Variants in PDCD2L observed in about 807,000 individuals in gnomAD.
PDCD2L encodes uS5 assembly chaperone PDCD2L.
Under a neutral mutation model 40.4 loss-of-function variants are expected in PDCD2L, and 44 were observed. That is an observed-to-expected ratio of 1.09 (90% confidence interval 0.86 to 1.40). PDCD2L has a LOEUF of 1.40. Ranked by LOEUF, PDCD2L falls within the 40% of genes most tolerant of loss-of-function variation. PDCD2L has a pLI of 0.00. For missense variants in PDCD2L, 470 were observed against 453.7 expected, an observed-to-expected ratio of 1.04 and a Z score of -0.33; for synonymous variants, 194 against 174.6, an observed-to-expected ratio of 1.11 and a Z score of -0.88.
Position 34,409,271 on chromosome 19 carries a change from T to G in PDCD2L, c.447T>G (p.Asp149Glu), listed in dbSNP as rs752833014. 10 of 1,614,046 alleles carry G rather than the reference T, an allele frequency of 6.2e-6. No homozygotes were observed. In the East Asian group the frequency reaches 2.0e-4, roughly 32 times the overall value. ...AGTTTACCTTGGATTTTGGGAATGA[T>G]GCCAGCAGTGCCAAAGACGTAGACT... ...SPQFTLDFGN[D>E]ASSAKDVDWT... Residue 149 changes from aspartate to glutamate, a missense_variant, in exon 4 of 7, where the codon GAT becomes GAG. Physicochemically the swap from Asp to Glu is conservative, Grantham distance 45. Coordinates refer to ENST00000246535, the MANE Select transcript of PDCD2L (RefSeq NM_032346.2).
chr19:34,420,320 T>G (rs1346562912), intron 5 of PDCD2L, among the ~76,000 whole-genome samples: 8 of 147,904 alleles, frequency 5.4e-5, no homozygotes, highest in East Asian at 2.0e-4. Context: ...TTTTTTTGGT[T>G]TTTTTTTTTT....
intron 5 of PDCD2L, among the ~76,000 whole-genome samples, chr19:34,416,256 G>T (rs1307411543): frequency 3.3e-5 from 5 of 152,216 alleles, no homozygotes; most frequent in Admixed American, 2.6e-4. Context: ...TGTCTGGAAG[G>T]AAGCACACAG....
Position 34,411,986 on chromosome 19 carries a change from AAT to A in PDCD2L, c.687-1749_687-1748del, listed in dbSNP as rs1404566238. Among the ~76,000 whole-genome samples, 1,019 of 146,622 alleles carry A rather than the reference AAT, an allele frequency of 6.9e-3. 16 individuals carry two copies. Among genetic ancestry groups the A allele is most frequent in the African/African-American group, 0.024 (952 of 40,468 alleles). Reference sequence around the variant, plus strand: ...TACATATATATATATATATATATAAAATAAATAATAAAATATATATATTAAAA... The same window carrying A: ...TACATATATATATATATATATATAAAAAATAATAAAATATATATATTAAAA... On this transcript the variant is annotated intron_variant, in intron 4 of 6. Transcript: ENST00000246535.
At chr19:34,425,536 T>C (rs1163932159) in intron 6 of PDCD2L, among the ~76,000 whole-genome samples, 4 of 151,848 alleles carry the variant, frequency 2.6e-5, no homozygotes, top group African/African-American at 9.7e-5. Flanking sequence ...ATATTTTGTT[T>C]GTTTGTTTGT....
chr19:34,409,565 A>G, intron 4 of PDCD2L, 55 bp downstream of exon 4: 3 of 1,491,512 alleles, frequency 2.0e-6, no homozygotes, highest in Non-Finnish European at 2.8e-6. Context: ...AGCAGCCACA[A>G]GAGTTACCCT....
chr19:34,409,741 GTATTTA>G (rs1308606504), intron 4 of PDCD2L, among the ~76,000 whole-genome samples: 1 of 152,176 alleles, frequency 6.6e-6, no homozygotes, highest in East Asian at 1.9e-4. Context: ...GAGATGGCAA[GTATTTA>G]TAGAAGACGC....
intron 6 of PDCD2L, among the ~76,000 whole-genome samples, chr19:34,424,629 C>T (rs535389463): frequency 6.6e-6 from 1 of 152,160 alleles, no homozygotes; most frequent in Admixed American, 6.6e-5. Flanking sequence ...TGGGAGAGGC[C>T]GCATGCGCAG....
At chr19:34,406,557 A>AT (rs563225945) in intron 3 of PDCD2L, among the ~76,000 whole-genome samples, 41 of 151,110 alleles carry the variant, frequency 2.7e-4, no homozygotes, top group Non-Finnish European at 3.4e-4. Context: ...TAATTTTTTC[A>AT]TTTTTTTAAA....
intron 4 of PDCD2L, 103 bp from the exon 5 acceptor site, chr19:34,413,634 C>G (rs9653103): frequency 0.92 from 611,856 of 668,252 alleles, 281,112 homozygotes; most frequent in East Asian, 1. Context: ...ACTGCGCCTG[C>G]CCTGATAAAA....
chr19:34,406,028 G>T (rs2145456082), intron 3 of PDCD2L, among the ~76,000 whole-genome samples: 1 of 152,324 alleles, frequency 6.6e-6, no homozygotes, highest in South Asian at 2.1e-4. Flanking sequence ...TGTAGTGCCA[G>T]CTACTCAGGA....
intron 5 of PDCD2L, among the ~76,000 whole-genome samples, chr19:34,416,745 C>CAGGT (rs1040783591): frequency 1.3e-5 from 2 of 152,102 alleles, no homozygotes; most frequent in African/African-American, 4.8e-5. Flanking sequence ...GCATGCCACC[C>CAGGT]AGGTAATCAT....
At position 34,405,970 on chromosome 19, in the gene PDCD2L, GTC is replaced by G. The variant is rs531523665; in HGVS notation, c.336+984_336+985del. ...AGTCTGGGCAACATAGCAAAACATC[GTC>G]TCTATAAAAAGTAAACAAATTAGCC... On this transcript the variant is annotated intron_variant, in intron 3 of 6. Transcript: ENST00000246535. Among the ~76,000 whole-genome samples, 10 of 152,020 alleles carry G rather than the reference GTC, an allele frequency of 6.6e-5. No individual in the cohort carries two copies. The South Asian group carries it at 1.9e-3, about 29-fold the overall frequency.
At chr19:34,413,709 C>A in intron 4 of PDCD2L, 28 bp from the exon 5 acceptor site, 1 of 1,305,686 alleles carries the variant, frequency 7.7e-7, no homozygotes, top group Non-Finnish European at 1.1e-6. Context: ...TATAGACATT[C>A]AAAAGTGTTT....
At position 34,410,513 on chromosome 19, in the gene PDCD2L, A is replaced by G. The variant is rs191975183; in HGVS notation, c.686+1003A>G. The stretch of plus-strand genomic sequence containing the variant: ...GTGATCCACCCACCTCAGCCTCCCA[A>G]AGTGCTGGGATTACAGGCGTGAGCC... On this transcript the variant is annotated intron_variant, in intron 4 of 6. Coordinates refer to ENST00000246535, the MANE Select transcript of PDCD2L (RefSeq NM_032346.2). 1.4e-4 allele frequency among the ~76,000 whole-genome samples: 21 copies of G among 152,220 alleles called. No individual in the cohort carries two copies. In the East Asian group the frequency reaches 2.3e-3, roughly 17 times the overall value.
intron 4 of PDCD2L, among the ~76,000 whole-genome samples, chr19:34,412,084 A>T (rs1406453990): frequency 6.6e-6 from 1 of 151,320 alleles, no homozygotes; most frequent in African/African-American, 2.4e-5. Context: ...CAGTGGCTCA[A>T]TCTCAGCTCA....
intron 6 of PDCD2L, among the ~76,000 whole-genome samples, chr19:34,425,671 G>A (rs2075173774): frequency 3.9e-5 from 6 of 152,032 alleles, no homozygotes. Context: ...CTAGCCAAAA[G>A]CTATGTATAT....
chr19:34,413,884 G>T, intron 5 of PDCD2L, 37 bp downstream of exon 5: 3 of 1,240,228 alleles, frequency 2.4e-6, no homozygotes, highest in South Asian at 1.3e-5. Flanking sequence ...TGTTTTCCTT[G>T]ATTATAAAGG....
At chr19:34,418,147 C>T (rs992463320) in intron 5 of PDCD2L, among the ~76,000 whole-genome samples, 4 of 152,210 alleles carry the variant, frequency 2.6e-5, no homozygotes, top group East Asian at 1.9e-4. Context: ...AATTGACATA[C>T]AACAGACTGC....
At chr19:34,410,258 A>C (rs2075095913) in intron 4 of PDCD2L, among the ~76,000 whole-genome samples, 1 of 152,076 alleles carries the variant, frequency 6.6e-6, no homozygotes, top group African/African-American at 2.4e-5. Context: ...ACCATGTCTG[A>C]CCAATTAAAA....
Sources: allele counts gnomAD v4.1 joint callset (sites outside exome capture counted in the v4.1 genomes callset), GRCh38; gene constraint gnomAD v4.1.1; transcripts MANE v1.5; gene names NCBI Gene and HGNC (gene_info 2026-07-23, HGNC 2026-07-21).